The following RABL2A variants were observed in gnomAD, a reference collection of about 807,000 sequenced individuals.
The protein encoded by RABL2A is RAB, member of RAS oncogene family like 2A.
A neutral mutation model predicts 30.7 loss-of-function variants in RABL2A; 17 were observed. The ratio of observed to expected loss-of-function variants is 0.55; its 90% confidence interval spans 0.38 to 0.83. The LOEUF (loss-of-function observed/expected upper bound fraction) is 0.83, where lower values mean the gene tolerates loss of function less well. Among genes scored for constraint, RABL2A ranks in the 40% least tolerant of loss-of-function variants. The probability of loss-of-function intolerance (pLI) is 0.00; values close to 1 mark genes in which losing one functional copy is unlikely to be tolerated. For missense variants in RABL2A, 155 were observed against 272.6 expected (o/e 0.57, Z 3.04); for synonymous variants, 64 against 101.8 (o/e 0.63, Z 2.24).
chr2:113,629,668 A>C (rs550617571), intron 2 of RABL2A, among the ~76,000 whole-genome samples: 1 of 151,800 alleles, frequency 6.6e-6, no homozygotes, highest in Non-Finnish European at 1.5e-5. Context: ...GCGAGTAGCT[A>C]GGACTACAGG....
Position 113,634,173 on chromosome 2 carries a change from C to T in RABL2A, c.158C>T (p.Thr53Met), listed in dbSNP as rs143748881. The change falls in exon 4 of 9, where the codon ACG becomes ATG. Residue 53 changes from threonine to methionine, a missense_variant. Physicochemically the swap from Thr to Met is moderately conservative, Grantham distance 81 (BLOSUM62 -1). Around this residue, in one of 5 missense-constraint regions of RABL2A, gnomAD observed 82 missense variants for 103.2 expected, o/e 0.79. Coordinates refer to ENST00000683472, the MANE Select transcript of RABL2A (RefSeq NM_001306158.2). ...MDGFQPQQLS[T>M]YALTLYKHTA... Reference sequence around the variant, plus strand: ...TGCAGTCAGCCACAGCAGCTGTCCACGTACGCCCTGACCCTGTACAAGCAC... The same window carrying T: ...TGCAGTCAGCCACAGCAGCTGTCCATGTACGCCCTGACCCTGTACAAGCAC... The T allele has an allele frequency of 1.1e-4, 173 of 1,612,410 alleles. No homozygotes were observed. The African/African-American group carries it at 2.1e-3, about 19-fold the overall frequency.
chr2:113,638,810 C>G (rs780807777), intron 5 of RABL2A, among the ~76,000 whole-genome samples: 1 of 151,728 alleles, frequency 6.6e-6, no homozygotes, highest in Non-Finnish European at 1.5e-5. Flanking sequence ...CGTTTGAACC[C>G]AGGAGGTGGA....
intron 5 of RABL2A, 72 bp downstream of exon 5, chr2:113,635,202 C>T (rs1682096846): frequency 6.6e-7 from 1 of 1,504,546 alleles, no homozygotes; most frequent in African/African-American, 1.4e-5. Context: ...CCTAGCAGCC[C>T]TGGGCCCTTG....
chr2:113,630,107 CAG>C (rs1335782092), intron 2 of RABL2A, among the ~76,000 whole-genome samples: 2 of 152,102 alleles, frequency 1.3e-5, no homozygotes, highest in Non-Finnish European at 2.9e-5. Flanking sequence ...TCATTTCAAA[CAG>C]TAACAAAAAA....
In RABL2A at chr2:113,634,178, G is replaced by A. The variant is rs781605553; in HGVS notation, c.163G>A (p.Ala55Thr). The A allele has an allele frequency of 1.1e-5, 18 of 1,612,342 alleles. No homozygotes were observed. The highest frequency in any genetic ancestry group is 6.7e-5 in the Admixed American group (4 of 59,878). The change falls in exon 4 of 9, where the codon GCC becomes ACC. Residue 55 changes from alanine (A) to threonine (T), a missense_variant. Physicochemically the swap from Ala to Thr is moderately conservative, Grantham distance 58. Transcript: ENST00000683472. ...GFQPQQLSTYALTLYKHTATV... is the reference protein window; with the variant it reads ...GFQPQQLSTYTLTLYKHTATV... ...TCAGCCACAGCAGCTGTCCACGTAC[G>A]CCCTGACCCTGTACAAGCACACAGC... is the stretch of plus-strand genomic sequence containing the variant.
chr2:113,628,519 T>G (rs1434325454), intron 1 of RABL2A, 35 bp from the exon 2 acceptor site: 1 of 1,520,348 alleles, frequency 6.6e-7, no homozygotes, highest in East Asian at 2.3e-5. Context: ...GGGACTTATC[T>G]CTGACAACAG....
chr2:113,631,731 CTG>C (rs1183979853), intron 2 of RABL2A, among the ~76,000 whole-genome samples: 1 of 151,810 alleles, frequency 6.6e-6, no homozygotes, highest in East Asian at 1.9e-4. Context: ...GAAAATCCCT[CTG>C]TGCCTGTGTT....
chr2:113,630,183 C>T (rs1253655668), intron 2 of RABL2A, among the ~76,000 whole-genome samples: 3 of 152,142 alleles, frequency 2.0e-5, no homozygotes, highest in African/African-American at 4.8e-5. Flanking sequence ...ACAGACACAA[C>T]AATTAGAAAA....
Position 113,635,139 on chromosome 2 carries a change from C to T in RABL2A, c.297+9C>T, listed in dbSNP as rs793078. 0.28 allele frequency: 459,674 copies of T among 1,613,496 alleles called. 69,933 individuals carry two copies. Among genetic ancestry groups the T allele is most frequent in the African/African-American group, 0.52 (39,267 of 74,888 alleles). On this transcript the variant is annotated intron_variant, in intron 5 of 8. Coordinates refer to ENST00000683472, the MANE Select transcript of RABL2A (RefSeq NM_001306158.2). The stretch of plus-strand genomic sequence containing the variant: ...CCCATGCCTGCATCATGGTACGAGA[C>T]GGTGGGGAGGTGGACAAAGGCACTG...
intron 7 of RABL2A, 147 bp from the exon 8 acceptor site, chr2:113,641,634 T>G (rs1685215364): frequency 1.4e-6 from 1 of 698,086 alleles, no homozygotes; most frequent in Admixed American, 2.9e-5. Context: ...TGACCATACA[T>G]AGGTCAGGGT....
chr2:113,630,570 T>C (rs898365705), intron 2 of RABL2A, among the ~76,000 whole-genome samples: 2 of 152,156 alleles, frequency 1.3e-5, no homozygotes, highest in Non-Finnish European at 2.9e-5. Context: ...AGTGCGGCCT[T>C]CTTGCAGAGT....
rs758540505 is a variant in RABL2A, at chr2:113,633,106, T to A, written c.137+162T>A. 2.9e-6 allele frequency: 3 copies of A among 1,044,544 alleles called. No homozygotes were observed. In the African/African-American group the frequency reaches 4.7e-5, roughly 16 times the overall value. 64.7% of individuals were successfully genotyped at this position (1,044,544 alleles called of 1,614,324 possible). On this transcript the variant is annotated intron_variant, in intron 3 of 8. Transcript: ENST00000683472. Reference sequence around the variant, plus strand: ...TGTTCTGCACTTGTTTCTTGCCGATTGACCCACATGGCATTGCACAATCAG... The same window carrying A: ...TGTTCTGCACTTGTTTCTTGCCGATAGACCCACATGGCATTGCACAATCAG...
Position 113,628,889 on chromosome 2 carries a change from G to A in RABL2A, c.107+176G>A, listed in dbSNP as rs566223035. Among the ~76,000 whole-genome samples, 3 of 152,302 alleles carry A rather than the reference G, an allele frequency of 2.0e-5. No homozygotes were observed. The East Asian group carries it at 5.8e-4, about 29-fold the overall frequency. The stretch of plus-strand genomic sequence containing the variant: ...ATCACATGACCCGTTGTGTGTGTCG[G>A]GTGGAGGGGGCAGGTCATAAGGACT... On this transcript the variant is annotated intron_variant, in intron 2 of 8. Transcript: ENST00000683472.
chr2:113,636,784 C>A (rs571748428), intron 5 of RABL2A, among the ~76,000 whole-genome samples: 2 of 151,980 alleles, frequency 1.3e-5, no homozygotes. Context: ...GTCAGGAGAT[C>A]GAGACCATCC....
intron 2 of RABL2A, among the ~76,000 whole-genome samples, chr2:113,630,178 C>T (rs1343604673): frequency 6.6e-6 from 1 of 152,198 alleles, no homozygotes; most frequent in African/African-American, 2.4e-5. Context: ...CCTCCACAGA[C>T]ACAACAATTA....
chr2:113,630,979 C>T (rs1680114839), intron 2 of RABL2A, among the ~76,000 whole-genome samples: 1 of 152,044 alleles, frequency 6.6e-6, no homozygotes, highest in African/African-American at 2.4e-5. Flanking sequence ...CTCACTGCAA[C>T]CTCCGCCTCC....
In RABL2A at chr2:113,643,212, C is replaced by A. The variant is rs1445207785; in HGVS notation, c.*1083C>A. The A allele has an allele frequency of 2.2e-6, 1 of 450,794 alleles. No homozygotes were observed. Among genetic ancestry groups the A allele is most frequent in the African/African-American group, 2.0e-5 (1 of 49,572 alleles). The allele number at this position is 450,794 out of a possible 1,614,324, so 27.9% of individuals were successfully genotyped here. A position where few individuals can be genotyped will look rare whatever the true frequency, so the allele number is the denominator to read the frequency against. On this transcript the variant is annotated 3_prime_UTR_variant, in exon 9 of 9. Coordinates refer to ENST00000683472, the MANE Select transcript of RABL2A (RefSeq NM_001306158.2). ...TAGGAATAGTTTGGACCTTGTGCCTCCTGTGGGAGGCTGAGGACTGCAAGA... is the reference window on the plus strand; with the variant it reads ...TAGGAATAGTTTGGACCTTGTGCCTACTGTGGGAGGCTGAGGACTGCAAGA...
intron 5 of RABL2A, 198 bp downstream of exon 5, chr2:113,635,328 G>C (rs56072816): frequency 1.7e-6 from 1 of 596,066 alleles, no homozygotes; most frequent in East Asian, 2.8e-5. Context: ...CTCTGTAGGC[G>C]GGGATGGGTG....
rs531608619 is a variant in RABL2A at position 113,638,861 on chromosome 2, T to C, written c.298-2033T>C. On this transcript the variant is annotated intron_variant, in intron 5 of 8. Transcript: ENST00000683472. Reference sequence around the variant, plus strand: ...GAGCCAAGATACCGCCACTGCACTCTAGCCTGGGCAACAGAGCAAGACTCC... The same window carrying C: ...GAGCCAAGATACCGCCACTGCACTCCAGCCTGGGCAACAGAGCAAGACTCC... Among the ~76,000 whole-genome samples, 2 of 151,896 alleles carry C rather than the reference T, an allele frequency of 1.3e-5. 1 individual carries two copies. Among genetic ancestry groups the C allele is most frequent in the South Asian group, 4.2e-4 (2 of 4,816 alleles).
Sources: gnomAD v4.1 joint callset for allele counts (sites outside exome capture counted in the v4.1 genomes callset) on GRCh38, gnomAD v4.1.1 for gene constraint, gnomAD v4.1.1 regional missense constraint, MANE v1.5 for transcripts, NCBI Gene and HGNC (gene_info 2026-07-23, HGNC 2026-07-21) for gene names.